SUGCT: variants seen among roughly 807,000 people sequenced by gnomAD.
SUGCT encodes the protein succinyl-CoA:glutarate CoA-transferase.
A neutral mutation model predicts 55.0 loss-of-function variants in SUGCT; 41 were observed. The ratio of observed to expected loss-of-function variants is 0.74; its 90% CI spans 0.58 to 0.97. The LOEUF (loss-of-function observed/expected upper bound fraction) is 0.97. Ranked by LOEUF, SUGCT falls within the 50% of genes least tolerant of loss-of-function variation. SUGCT has a pLI of 0.00. For synonymous variants in SUGCT, 187 were observed against 200.4 expected (o/e 0.93, Z 0.56); for missense variants, 568 against 547.8 (o/e 1.04, Z -0.37).
chr7:40,386,725 G>C (rs1034597089), intron 9 of SUGCT, among the ~76,000 whole-genome samples: 2 of 152,184 alleles, frequency 1.3e-5, no homozygotes, highest in Non-Finnish European at 2.9e-5. Flanking sequence ...GGTTGGGACT[G>C]TTGTCCCAGG....
the SUGCT span, among the ~76,000 whole-genome samples, chr7:40,959,421 G>T: frequency 6.6e-5 from 10 of 152,350 alleles, no homozygotes; most frequent in African/African-American, 2.4e-4. Context: ...CCAAGCTGTG[G>T]TGGGCTCTGC....
the SUGCT span, among the ~76,000 whole-genome samples, chr7:40,970,742 T>C: frequency 1.3e-5 from 2 of 152,132 alleles, no homozygotes; most frequent in South Asian, 4.1e-4. Context: ...GATCTGAATC[T>C]TGACATGAGC....
chr7:40,916,070 TACAC>T, the SUGCT span, among the ~76,000 whole-genome samples: 6,149 of 144,722 alleles, frequency 0.042, 208 homozygotes, highest in African/African-American at 0.098. Context: ...TCTCTCTACA[TACAC>T]ACACACACAC....
At chr7:40,889,800 A>C in the SUGCT span, among the ~76,000 whole-genome samples, 1 of 152,200 alleles carries the variant, frequency 6.6e-6, no homozygotes, top group Non-Finnish European at 1.5e-5. Context: ...GGAAAAGACT[A>C]TCCCTGTTAC....
chr7:40,305,838 T>C (rs1161784065), intron 8 of SUGCT, among the ~76,000 whole-genome samples: 5 of 152,064 alleles, frequency 3.3e-5, no homozygotes, highest in Admixed American at 1.3e-4. Flanking sequence ...ATTTTTTTTT[T>C]ATTCTTAGCT....
chr7:40,526,401 T>A (rs1793799945), intron 12 of SUGCT, among the ~76,000 whole-genome samples: 1 of 152,212 alleles, frequency 6.6e-6, no homozygotes, highest in Non-Finnish European at 1.5e-5. Context: ...CTCTACTTGT[T>A]ACTGATCGTG....
At chr7:40,253,989 T>G (rs1001278391) in intron 7 of SUGCT, among the ~76,000 whole-genome samples, 1 of 152,266 alleles carries the variant, frequency 6.6e-6, no homozygotes, top group Non-Finnish European at 1.5e-5. Context: ...ATTTATAGAC[T>G]CAATCCCAGT....
At chr7:40,863,714 T>G (rs150292663), downstream of SUGCT, among the ~76,000 whole-genome samples, 1 of 152,314 alleles carries the variant, frequency 6.6e-6, no homozygotes, top group African/African-American at 2.4e-5. Flanking sequence ...TTGCATTTGC[T>G]TCTGTTCATA....
the SUGCT span, among the ~76,000 whole-genome samples, chr7:41,007,779 AG>A: frequency 6.9e-6 from 1 of 145,538 alleles, no homozygotes; most frequent in Non-Finnish European, 1.5e-5. Flanking sequence ...TTTAAGTAAA[AG>A]CTTCTATGAC....
At chr7:40,510,781 A>C (rs932800776) in intron 12 of SUGCT, among the ~76,000 whole-genome samples, 6 of 152,174 alleles carry the variant, frequency 3.9e-5, no homozygotes, top group African/African-American at 7.2e-5. Flanking sequence ...TAAATAAATA[A>C]ATAAATGTGA....
the SUGCT span, among the ~76,000 whole-genome samples, chr7:40,991,373 A>G: frequency 6.6e-6 from 1 of 152,210 alleles, no homozygotes; most frequent in African/African-American, 2.4e-5. Flanking sequence ...CTGATCACAG[A>G]TCACCATAAA....
chr7:40,673,112 A>G (rs1802023677), intron 12 of SUGCT, among the ~76,000 whole-genome samples: 1 of 152,184 alleles, frequency 6.6e-6, no homozygotes, highest in Non-Finnish European at 1.5e-5. Context: ...ACTTATAACT[A>G]GTTTTGTTCC....
rs114077246 is a variant in SUGCT, at chr7:40,244,403, C to T, written c.576+6677C>T. Among the ~76,000 whole-genome samples, 730 of 152,110 alleles carry T rather than the reference C, an allele frequency of 4.8e-3. 6 individuals are homozygous for T. Among genetic ancestry groups the T allele is most frequent in the African/African-American group, 0.017 (694 of 41,502 alleles). On this transcript the variant is annotated intron_variant, in intron 7 of 13. Transcript: ENST00000335693. ...GAAAACAATAGGCCAGTCACAGAGG[C>T]GCTGAGAGTTAAGGTTTCAGGACAT...
chr7:40,377,057 G>C, intron 9 of SUGCT, among the ~76,000 whole-genome samples: 1 of 146,736 alleles, frequency 6.8e-6, no homozygotes, highest in Admixed American at 6.9e-5. Flanking sequence ...ATTATCCTTT[G>C]GTGTTCACTC....
intron 12 of SUGCT, among the ~76,000 whole-genome samples, chr7:40,568,833 G>A (rs191566180): frequency 9.9e-4 from 151 of 152,200 alleles, no homozygotes; most frequent in Admixed American, 2.2e-3. Flanking sequence ...AAGTTCCTTC[G>A]TGAGAATTAG....
At chr7:40,498,730 A>C (rs902084078) in intron 12 of SUGCT, among the ~76,000 whole-genome samples, 2 of 152,198 alleles carry the variant, frequency 1.3e-5, no homozygotes, top group Admixed American at 6.5e-5. Flanking sequence ...CAGGATGGTA[A>C]ACAGCCAATG....
intron 6 of SUGCT, among the ~76,000 whole-genome samples, chr7:40,230,573 A>G (rs1490881587): frequency 6.6e-6 from 1 of 152,228 alleles, no homozygotes; most frequent in Admixed American, 6.5e-5. Flanking sequence ...TGGCAGGTCA[A>G]ATAATTAGGA....
chr7:40,646,315 A>T (rs889365203), intron 12 of SUGCT, among the ~76,000 whole-genome samples: 1 of 151,990 alleles, frequency 6.6e-6, no homozygotes, highest in Non-Finnish European at 1.5e-5. Flanking sequence ...TTTTCTATCT[A>T]TTATCTATTT....
intron 13 of SUGCT, among the ~76,000 whole-genome samples, chr7:40,851,295 T>C (rs555616093): frequency 6.6e-6 from 1 of 151,572 alleles, no homozygotes; most frequent in South Asian, 2.1e-4. Context: ...CCTTTGTGAT[T>C]TAGGCATTAA....
Sources: allele counts gnomAD v4.1 joint callset (sites outside exome capture counted in the v4.1 genomes callset), GRCh38; gene constraint gnomAD v4.1.1; transcripts MANE v1.5; gene names NCBI Gene and HGNC (gene_info 2026-07-23, HGNC 2026-07-21).